Variants in SEL1L3 observed in about 807,000 individuals in gnomAD.
SEL1L3 encodes the protein SEL1L family member 3.
A neutral mutation model predicts 142.8 loss-of-function variants in SEL1L3; 76 were observed. That is an observed-to-expected ratio of 0.53 (90% confidence interval 0.44 to 0.64). The LOEUF is 0.64. Ranked by LOEUF, SEL1L3 falls within the 30% of genes least tolerant of loss-of-function variation. SEL1L3 has a pLI of 0.00. For synonymous variants in SEL1L3, 504 were observed against 519.6 expected, an observed-to-expected ratio of 0.97 and a Z score of 0.41; for missense variants, 1,262 against 1,381.7, an observed-to-expected ratio of 0.91 and a Z score of 1.37.
intron 9 of SEL1L3, among the ~76,000 whole-genome samples, chr4:25,809,727 T>G (rs1392416997): frequency 6.6e-6 from 1 of 152,218 alleles, no homozygotes; most frequent in Non-Finnish European, 1.5e-5. Flanking sequence ...GTTTTCTTGG[T>G]GTCTCTGTGT....
At chr4:25,765,275 T>G (rs879092268) in intron 20 of SEL1L3, 51 bp downstream of exon 20, 2 of 1,262,248 alleles carry the variant, frequency 1.6e-6, no homozygotes, top group South Asian at 2.4e-5. Context: ...ATTACAGGCA[T>G]GAGCCACCGT....
chr4:25,800,618 GT>G (rs745731544), intron 11 of SEL1L3, among the ~76,000 whole-genome samples: 4 of 151,520 alleles, frequency 2.6e-5, no homozygotes, highest in Admixed American at 6.6e-5. Context: ...AAAAAAAATA[GT>G]TTTTTTTGGC....
intron 23 of SEL1L3, among the ~76,000 whole-genome samples, chr4:25,750,542 A>AT (rs1264693378): frequency 2.0e-5 from 3 of 152,216 alleles, no homozygotes; most frequent in African/African-American, 7.2e-5. Context: ...TGCTATAAGT[A>AT]AGATCATGCC....
the SEL1L3 span, among the ~76,000 whole-genome samples, chr4:25,732,284 A>T: frequency 6.6e-6 from 1 of 152,164 alleles, no homozygotes; most frequent in Non-Finnish European, 1.5e-5. Flanking sequence ...ATAAGAAGTA[A>T]TTTTTTAGGA....
intron 9 of SEL1L3, among the ~76,000 whole-genome samples, chr4:25,810,401 C>T (rs1404660827): frequency 6.6e-6 from 1 of 152,196 alleles, no homozygotes; most frequent in Non-Finnish European, 1.5e-5. Flanking sequence ...GTCCTCATCG[C>T]ATCTCTTCTC....
chr4:25,727,397 C>T, the SEL1L3 span, among the ~76,000 whole-genome samples: 1 of 152,096 alleles, frequency 6.6e-6, no homozygotes, highest in African/African-American at 2.4e-5. Context: ...ATAGGACCAC[C>T]CTAAAAACCT....
intron 8 of SEL1L3, 95 bp from the exon 9 acceptor site, chr4:25,818,373 C>A (rs2109254308): frequency 1.8e-6 from 2 of 1,081,706 alleles, no homozygotes; most frequent in African/African-American, 3.7e-5. Context: ...ACTAGAAAGA[C>A]TTGCCATTAC....
chr4:25,748,502 G>C lies in SEL1L3; in HGVS notation c.3322C>G (p.Pro1108Ala). 1 of 1,611,730 alleles carries C rather than the reference G, an allele frequency of 6.2e-7. No homozygotes were observed. Among genetic ancestry groups the C allele is most frequent in the South Asian group, 1.1e-5 (1 of 90,360 alleles). The stretch of plus-strand genomic sequence containing the variant: ...GCATCTGCAGCTGGAGTCACAGCTG[G>C]ACTTGCAGTGGACGTGGCAGTGTCT... ...SPDTATSTASPAVTPAADASD... is the reference protein window; with the variant it reads ...SPDTATSTASAAVTPAADASD... The change falls in exon 24 of 24, where the codon CCA becomes GCA. Residue 1108 changes from proline to alanine, a missense_variant. By Grantham distance (27) the Pro-to-Ala change is conservative (BLOSUM62 -1). Transcript: ENST00000399878.
In SEL1L3 at chr4:25,819,788, C is replaced by T. The variant is rs1412493824; in HGVS notation, c.1423+20G>A. The T allele has an allele frequency of 1.9e-6, 3 of 1,602,928 alleles. No homozygotes were observed. Among genetic ancestry groups the T allele is most frequent in the Admixed American group, 1.7e-5 (1 of 58,002 alleles). On this transcript the variant is annotated intron_variant, in intron 8 of 23. Coordinates refer to ENST00000399878, the MANE Select transcript of SEL1L3 (RefSeq NM_015187.5). The stretch of plus-strand genomic sequence containing the variant: ...AAATGCACAGAGCTTAAAACAGCTC[C>T]CCTGAAGCTCAACACTTACATGCTT...
rs373079985 is a variant in SEL1L3 at position 25,847,922 on chromosome 4, C to A, written c.163-58G>T. The A allele has an allele frequency of 3.1e-4, 306 of 991,022 alleles. 1 individual carries two copies. The highest frequency in any genetic ancestry group is 2.7e-3 in the Middle Eastern group (11 of 4,138). The allele number at this position is 991,022 out of a possible 1,614,324, so 61.4% of individuals were successfully genotyped here. ...GAAAGTTTAAAAATCCTCATCATAA[C>A]AGATACTTGAATCATTATTTTCCTG... is the stretch of plus-strand genomic sequence containing the variant. On this transcript the variant is annotated intron_variant, in intron 1 of 23. Transcript: ENST00000399878.
At chr4:25,765,579 G>A in intron 19 of SEL1L3, 144 bp from the exon 20 acceptor site, 1 of 607,524 alleles carries the variant, frequency 1.6e-6, no homozygotes, top group South Asian at 2.1e-5. Context: ...GATGTGTCAA[G>A]AGAGAAACAA....
At chr4:25,778,252 AATG>A (rs1448315369) in intron 16 of SEL1L3, among the ~76,000 whole-genome samples, 2 of 152,184 alleles carry the variant, frequency 1.3e-5, no homozygotes, top group Non-Finnish European at 2.9e-5. Flanking sequence ...AAATACCCAT[AATG>A]ATGACAGTTA....
intron 9 of SEL1L3, among the ~76,000 whole-genome samples, chr4:25,809,083 A>T (rs1713839279): frequency 6.6e-6 from 1 of 150,612 alleles, no homozygotes; most frequent in African/African-American, 2.4e-5. Flanking sequence ...AAAAAAAAAA[A>T]AAAAAGCCTA....
At chr4:25,722,623 G>GATTTT in the SEL1L3 span, among the ~76,000 whole-genome samples, 8 of 125,124 alleles carry the variant, frequency 6.4e-5, 1 homozygote, top group Admixed American at 1.5e-4. Context: ...TCCAAAGGAG[G>GATTTT]CTTTTTTTTT....
chr4:25,767,757 T>G lies in SEL1L3; in HGVS notation c.2743A>C (p.Ile915Leu). 1 of 1,579,658 alleles carries G rather than the reference T, an allele frequency of 6.3e-7. No homozygotes were observed. The highest frequency in any genetic ancestry group is 8.6e-7 in the Non-Finnish European group (1 of 1,159,694). ...TTACTTACTGGCCTCTCCTCACAGA[T>G]GTGTGCTAAATTTGTCTGTGACACT... ...IEVSQTNLAH[I>L]CEERPDLARR... The change falls in exon 18 of 24, where the codon ATC (isoleucine) becomes CTC (leucine). Residue 915 changes from isoleucine to leucine, a missense_variant. Around this residue, in one of 3 missense-constraint regions of SEL1L3, gnomAD observed 435 missense variants for 559.2 expected, o/e 0.78. Transcript: ENST00000399878.
At chr4:25,718,564 C>T in the SEL1L3 span, 1 of 152,114 alleles carries the variant, frequency 6.6e-6, no homozygotes, top group Admixed American at 6.6e-5. Flanking sequence ...ATAACAAGTG[C>T]TATGTGGCTT....
intron 9 of SEL1L3, 109 bp downstream of exon 9, chr4:25,818,029 G>A: frequency 8.8e-7 from 1 of 1,137,350 alleles, no homozygotes; most frequent in Non-Finnish European, 1.2e-6. Flanking sequence ...TAAAACACTA[G>A]GGTTAAAAAT....
the SEL1L3 span, among the ~76,000 whole-genome samples, chr4:25,725,729 T>C: frequency 6.6e-6 from 1 of 152,186 alleles, no homozygotes; most frequent in South Asian, 2.1e-4. Context: ...TTCTCTTCCT[T>C]TTAGACTCTC....
intron 23 of SEL1L3, among the ~76,000 whole-genome samples, chr4:25,753,972 A>T (rs752353339): frequency 2.5e-4 from 34 of 135,890 alleles, no homozygotes; most frequent in Non-Finnish European, 1.4e-4. Context: ...CGACAGTGAG[A>T]CTCCGTCTCA....
Sources: allele counts gnomAD v4.1 joint callset (sites outside exome capture counted in the v4.1 genomes callset), GRCh38; gene constraint gnomAD v4.1.1; regional missense constraint gnomAD v4.1.1; transcripts MANE v1.5; gene names NCBI Gene and HGNC (gene_info 2026-07-23, HGNC 2026-07-21).